The following THSD4 variants were observed in gnomAD, a reference collection of about 807,000 sequenced individuals.
THSD4 encodes thrombospondin type-1 domain-containing protein 4.
In THSD4, 69 loss-of-function variants were observed where a neutral mutation model predicts 119.0. That is an observed-to-expected ratio of 0.58 (90% CI 0.48 to 0.71). The LOEUF is 0.71. THSD4 is among the 30% of genes least tolerant of loss of function. THSD4 has a pLI of 0.00. For missense variants in THSD4, 1,393 were observed against 1,391.1 expected, an observed-to-expected ratio of 1.00 and a Z score of -0.02; for synonymous variants, 524 against 540.4, an observed-to-expected ratio of 0.97 and a Z score of 0.42.
At chr15:71,438,292 A>G (rs1354805665) in intron 7 of THSD4, among the ~76,000 whole-genome samples, 1 of 148,264 alleles carries the variant, frequency 6.7e-6, no homozygotes, top group Non-Finnish European at 1.5e-5. Context: ...TGCAGGGTTT[A>G]TTTTTTTTTT....
intron 6 of THSD4, among the ~76,000 whole-genome samples, chr15:71,395,752 A>G (rs1057262469): frequency 4.6e-5 from 7 of 151,912 alleles, no homozygotes; most frequent in Non-Finnish European, 1.0e-4. Flanking sequence ...CCGACTCCCA[A>G]AAAAAAGATG....
intron 1 of THSD4, among the ~76,000 whole-genome samples, chr15:71,125,794 C>G (rs1470165572): frequency 2.0e-5 from 3 of 152,242 alleles, no homozygotes; most frequent in South Asian, 2.1e-4. Flanking sequence ...CCACCAGCCC[C>G]GAAGGTGACT....
intron 7 of THSD4, among the ~76,000 whole-genome samples, chr15:71,414,693 C>T (rs1350326346): frequency 2.0e-5 from 3 of 152,136 alleles, no homozygotes; most frequent in African/African-American, 4.8e-5. Context: ...AAAGCAAACA[C>T]TTATAAGGAC....
At chr15:71,733,093 A>G (rs2053014111) in intron 10 of THSD4, 1 of 152,264 alleles carries the variant, frequency 6.6e-6, no homozygotes. Flanking sequence ...GGATAATCAG[A>G]CAGACTATTT....
chr15:71,166,994 A>T (rs2043300531), intron 3 of THSD4: 1 of 152,146 alleles, frequency 6.6e-6, no homozygotes, highest in Non-Finnish European at 1.5e-5. Context: ...CAATATAATA[A>T]ACGTGTATTT....
In THSD4 at chr15:71,777,304, A is replaced by T. The variant is rs764957885; in HGVS notation, c.2987A>T (p.Tyr996Phe). 14 of 1,614,128 alleles carry T rather than the reference A, an allele frequency of 8.7e-6. No individual in the cohort carries two copies. Among genetic ancestry groups the T allele is most frequent in the Non-Finnish European group, 1.2e-5 (14 of 1,180,050 alleles). The change falls in exon 18 of 18, where the codon TAC becomes TTC. Residue 996 changes from tyrosine to phenylalanine, a missense_variant. Coordinates refer to ENST00000261862, the MANE Select transcript of THSD4 (RefSeq NM_024817.3). ...VQARLCVYNY[Y>F]KTACCASCTR... Reference sequence around the variant, plus strand: ...GCAAGACTCTGTGTCTACAACTACTACAAGACCGCCTGCTGTGCCTCCTGC... The same window carrying T: ...GCAAGACTCTGTGTCTACAACTACTTCAAGACCGCCTGCTGTGCCTCCTGC...
intron 1 of THSD4, among the ~76,000 whole-genome samples, chr15:71,129,125 G>A (rs547164658): frequency 5.8e-4 from 89 of 152,284 alleles, no homozygotes; most frequent in African/African-American, 1.9e-3. Flanking sequence ...CTGGAAGGAC[G>A]GTTATGCCAC....
At chr15:71,267,936 A>G (rs1222995694) in intron 6 of THSD4, among the ~76,000 whole-genome samples, 1 of 152,212 alleles carries the variant, frequency 6.6e-6, no homozygotes, top group Non-Finnish European at 1.5e-5. Context: ...TGCACCCAAT[A>G]CAGGAGCATC....
chr15:71,474,077 A>G (rs766184650), intron 7 of THSD4, among the ~76,000 whole-genome samples: 5 of 152,180 alleles, frequency 3.3e-5, no homozygotes, highest in Non-Finnish European at 2.9e-5. Context: ...TTATCCATTC[A>G]GGGAATCCCA....
At chr15:71,484,230 T>C (rs896913565) in intron 7 of THSD4, among the ~76,000 whole-genome samples, 1 of 152,222 alleles carries the variant, frequency 6.6e-6, no homozygotes, top group African/African-American at 2.4e-5. Flanking sequence ...CTGCTGATTT[T>C]ACTGACTCCA....
chr15:71,624,842 G>A (rs7171279), intron 7 of THSD4, among the ~76,000 whole-genome samples: 85,601 of 152,012 alleles, frequency 0.56, 24,950 homozygotes, highest in African/African-American at 0.7. Context: ...CATCTGGTGA[G>A]CAATCCATTA....
intron 7 of THSD4, among the ~76,000 whole-genome samples, chr15:71,446,328 T>C (rs917957471): frequency 1.3e-5 from 2 of 152,214 alleles, no homozygotes. Context: ...CCCTTTCTTA[T>C]ACAGAATTGC....
chr15:71,326,223 A>AT (rs1198809815), intron 6 of THSD4, among the ~76,000 whole-genome samples: 3 of 152,290 alleles, frequency 2.0e-5, no homozygotes, highest in Middle Eastern at 3.4e-3. Context: ...CAATGTGGAG[A>AT]TAAAAAATGA....
At chr15:71,130,514 A>G (rs534374980) in intron 1 of THSD4, among the ~76,000 whole-genome samples, 7 of 151,726 alleles carry the variant, frequency 4.6e-5, no homozygotes, top group Admixed American at 6.6e-5. Flanking sequence ...TAGTGCTAAG[A>G]CAAGCCATGA....
intron 7 of THSD4, among the ~76,000 whole-genome samples, chr15:71,579,638 C>T (rs2049520538): frequency 6.6e-6 from 1 of 152,170 alleles, no homozygotes; most frequent in Non-Finnish European, 1.5e-5. Context: ...TAAATGCCTC[C>T]ACATGGTAGA....
chr15:71,756,625 A>C (rs1394502647), intron 14 of THSD4, among the ~76,000 whole-genome samples: 1 of 152,184 alleles, frequency 6.6e-6, no homozygotes, highest in African/African-American at 2.4e-5. Flanking sequence ...TCTACAAAAA[A>C]ATACAAAAAT....
At chr15:71,121,629 T>A (rs1440507708) in intron 1 of THSD4, among the ~76,000 whole-genome samples, 1 of 152,174 alleles carries the variant, frequency 6.6e-6, no homozygotes, top group Non-Finnish European at 1.5e-5. Flanking sequence ...TCATGCTAGG[T>A]TGTCAGACTA....
chr15:71,462,268 C>A (rs1410608646), intron 7 of THSD4, among the ~76,000 whole-genome samples: 1 of 152,128 alleles, frequency 6.6e-6, no homozygotes, highest in African/African-American at 2.4e-5. Flanking sequence ...CTCAAGTGAT[C>A]CTCACCTCAG....
chr15:71,214,622 T>C (rs2043914992), intron 3 of THSD4, among the ~76,000 whole-genome samples: 1 of 152,220 alleles, frequency 6.6e-6, no homozygotes, highest in Non-Finnish European at 1.5e-5. Flanking sequence ...GCAGTCTGGC[T>C]CTAAAGCGGT....
Sources: allele counts gnomAD v4.1 joint callset (sites outside exome capture counted in the v4.1 genomes callset), GRCh38; gene constraint gnomAD v4.1.1; transcripts MANE v1.5; gene names NCBI Gene and HGNC (gene_info 2026-07-23, HGNC 2026-07-21).